Variants in MTLN observed in about 807,000 individuals in gnomAD.
MTLN encodes TP53-inhibiting lncRNA.
chr2:110,211,957 C>A (rs945609482), intron 1 of MTLN, among the ~76,000 whole-genome samples: 1 of 152,118 alleles, frequency 6.6e-6, no homozygotes, highest in African/African-American at 2.4e-5. Flanking sequence ...TTCTTTTGTT[C>A]TTTCCAGTAT....
In MTLN at chr2:110,212,400, C is replaced by A. The variant is rs114774217; in HGVS notation, c.126G>T (p.Leu42=). The change falls in exon 1 of 2, where the codon CTG becomes CTT. Residue 42 remains leucine, a synonymous_variant. Coordinates refer to ENST00000611969, the MANE Select transcript of MTLN (RefSeq NM_001384134.1). ...TCTGCGTCGCCGCCAGCTTGTCCTGCAGCCTCCTTTTCCTCCAGTCCAAGT... is the reference window on the plus strand; with the variant it reads ...TCTGCGTCGCCGCCAGCTTGTCCTGAAGCCTCCTTTTCCTCCAGTCCAAGT... ...RRYLDWRKRR[L]QDKLAATQKK... The A allele has an allele frequency of 4.8e-3, 1,936 of 399,608 alleles. 35 individuals carry two copies. The highest frequency in any genetic ancestry group is 0.036 in the African/African-American group (1,778 of 48,744). 24.8% of individuals were successfully genotyped at this position (399,608 alleles called of 1,614,324 possible). A position where few individuals can be genotyped will look rare whatever the true frequency, so the allele number is the denominator to read the frequency against.
rs1686121529 is a variant in MTLN at position 110,212,497 on chromosome 2, T to TGCAGTGTC, written c.21_28dup (p.Gln10ArgfsTer8). On this transcript the variant is annotated frameshift_variant, in exon 1 of 2. Transcript: ENST00000611969. LOFTEE classifies it high-confidence loss of function. ...AGCGAAGGCTACTAGCACGGACAACTGCAGTGTCCTCTCTGACACATCCGC... is the reference window on the plus strand; with the variant it reads ...AGCGAAGGCTACTAGCACGGACAACTGCAGTGTCGCAGTGTCCTCTCTGACACATCCGC... 1 of 398,732 alleles carries TGCAGTGTC rather than the reference T, an allele frequency of 2.5e-6. No individual in the cohort carries two copies. Among genetic ancestry groups the TGCAGTGTC allele is most frequent in the African/African-American group, 2.1e-5 (1 of 48,600 alleles). The allele number at this position is 398,732 out of a possible 1,614,324, so 24.7% of individuals were successfully genotyped here.
At chr2:110,212,070 G>T in intron 1 of MTLN, 145 bp downstream of exon 1, 1 of 314,042 alleles carries the variant, frequency 3.2e-6, no homozygotes. Context: ...ATACCGAAGA[G>T]CAAGTTATCA....
chr2:110,212,136 G>A (rs1411957106), intron 1 of MTLN, 79 bp downstream of exon 1: 1 of 382,228 alleles, frequency 2.6e-6, no homozygotes, highest in Non-Finnish European at 4.6e-6. Context: ...TGTCTTCTGC[G>A]ACCTAGCCAG....
Position 110,212,371 on chromosome 2 carries a change from T to G in MTLN, c.155A>C (p.Lys52Thr), listed in dbSNP as rs1385292916. The change falls in exon 1 of 2, where the codon AAG becomes ACG. Residue 52 changes from lysine (K) to threonine (T), a missense_variant. By Grantham distance (78) the Lys-to-Thr change is moderately conservative. Transcript: ENST00000611969. ...CGCAGAGTCTCAGGCCAGGTCCAGC[T>G]TCTTCTGCGTCGCCGCCAGCTTGTC... is the stretch of plus-strand genomic sequence containing the variant. ...LQDKLAATQK[K>T]LDLA 5 of 398,342 alleles carry G rather than the reference T, an allele frequency of 1.3e-5. No homozygotes were observed. The highest frequency in any genetic ancestry group is 2.2e-5 in the Non-Finnish European group (5 of 226,162). The allele number at this position is 398,342 out of a possible 1,614,324, so 24.7% of individuals were successfully genotyped here. A position where few individuals can be genotyped will look rare whatever the true frequency, so the allele number is the denominator to read the frequency against.
rs561846053 is a variant in MTLN, at chr2:110,212,458, A to G, written c.68T>C (p.Leu23Pro). Residue 23 changes from leucine to proline, a missense_variant, in exon 1 of 2, where the codon CTG (leucine) becomes CCG (proline). Coordinates refer to ENST00000611969, the MANE Select transcript of MTLN (RefSeq NM_001384134.1). ...CCGCAGTCGGTTCGCCTGCCAGCCC[A>G]GGAGTACTCCAGAAGCGAAGGCTAC... ...VLVAFASGVL[L>P]GWQANRLRRR... 5.0e-6 allele frequency: 2 copies of G among 399,122 alleles called. No individual in the cohort carries two copies. The highest frequency in any genetic ancestry group is 2.5e-4 in the South Asian group (2 of 7,860). The allele number at this position is 399,122 out of a possible 1,614,324, so 24.7% of individuals were successfully genotyped here. A position where few individuals can be genotyped will look rare whatever the true frequency, so the allele number is the denominator to read the frequency against.
chr2:110,212,161 T>C, intron 1 of MTLN, 54 bp downstream of exon 1: 1 of 391,358 alleles, frequency 2.6e-6, no homozygotes, highest in Non-Finnish European at 4.5e-6. Flanking sequence ...GATCCTAAGA[T>C]ATCCGCCCGA....
rs1686101243 is a variant in MTLN at position 110,211,537 on chromosome 2, ATTT to A, written c.*223_*225del. 2 of 152,292 alleles carry A rather than the reference ATTT, an allele frequency of 1.3e-5. No individual in the cohort carries two copies. Among genetic ancestry groups the A allele is most frequent in the Admixed American group, 1.3e-4 (2 of 15,310 alleles). The allele number at this position is 152,292 out of a possible 1,614,324, so 9.4% of individuals were successfully genotyped here. A position where few individuals can be genotyped will look rare whatever the true frequency, so the allele number is the denominator to read the frequency against. Reference sequence around the variant, plus strand: ...AAAATAAAAGGGTCAAAGATGTTTAATTTTTTTATTTTAAAAATAAAATTGATT... The same window carrying A: ...AAAATAAAAGGGTCAAAGATGTTTAATTTTATTTTAAAAATAAAATTGATT... On this transcript the variant is annotated 3_prime_UTR_variant, in exon 2 of 2. Transcript: ENST00000611969.
chr2:110,212,300 CG>C lies in MTLN; in HGVS notation c.*54del. 2.9e-6 allele frequency: 1 copy of C among 340,156 alleles called. No homozygotes were observed. Among genetic ancestry groups the C allele is most frequent in the Non-Finnish European group, 4.8e-6 (1 of 207,032 alleles). 21.1% of individuals were successfully genotyped at this position (340,156 alleles called of 1,614,324 possible). On this transcript the variant is annotated 3_prime_UTR_variant, in exon 1 of 2. Transcript: ENST00000611969. ...GCGCCGGCGGACCGGGGCTCCGGCG[CG>C]GACATGGCAAGGTGGCCATGAGGGG...
In MTLN at chr2:110,212,418, G is replaced by A. The variant is rs548024103; in HGVS notation, c.108C>T (p.Asp36=). Residue 36 remains aspartate (D), a synonymous_variant, in exon 1 of 2, where the codon GAC becomes GAT. Coordinates refer to ENST00000611969, the MANE Select transcript of MTLN (RefSeq NM_001384134.1). ...QANRLRRRYL[D]WRKRRLQDKL... is the part of the protein sequence containing the mutation. ...TGTCCTGCAGCCTCCTTTTCCTCCAGTCCAAGTAGCGCCTCCGCAGTCGGT... is the reference window on the plus strand; with the variant it reads ...TGTCCTGCAGCCTCCTTTTCCTCCAATCCAAGTAGCGCCTCCGCAGTCGGT... The A allele has an allele frequency of 5.0e-6, 2 of 399,600 alleles. No individual in the cohort carries two copies. Among genetic ancestry groups the A allele is most frequent in the South Asian group, 2.5e-4 (2 of 7,858 alleles). 24.8% of individuals were successfully genotyped at this position (399,600 alleles called of 1,614,324 possible). A position where few individuals can be genotyped will look rare whatever the true frequency, so the allele number is the denominator to read the frequency against.
In MTLN at chr2:110,212,547, C is replaced by T. The variant is rs1396837599; in HGVS notation, c.-22G>A. The T allele has an allele frequency of 1.0e-5, 4 of 398,810 alleles. No individual in the cohort carries two copies. The highest frequency in any genetic ancestry group is 7.1e-5 in the East Asian group (2 of 28,074). The allele number at this position is 398,810 out of a possible 1,614,324, so 24.7% of individuals were successfully genotyped here. On this transcript the variant is annotated 5_prime_UTR_variant, in exon 1 of 2. Coordinates refer to ENST00000611969, the MANE Select transcript of MTLN (RefSeq NM_001384134.1). ...CCATGGCTGCCGCCGGCGTGCAGCG[C>T]GGTCTACGGCGCGGCGGCGGGGTCA...
At chr2:110,211,870 G>A (rs1200131037) in intron 1 of MTLN, among the ~76,000 whole-genome samples, 2 of 152,282 alleles carry the variant, frequency 1.3e-5, no homozygotes, top group Non-Finnish European at 2.9e-5. Context: ...GTTTACAATC[G>A]CCAAGGCGAA....
In MTLN at chr2:110,212,202, G is replaced by C. The variant is rs1445375437; in HGVS notation, c.*140+13C>G. 2.5e-6 allele frequency: 1 copy of C among 396,846 alleles called. No homozygotes were observed. The highest frequency in any genetic ancestry group is 2.1e-5 in the African/African-American group (1 of 48,580). 24.6% of individuals were successfully genotyped at this position (396,846 alleles called of 1,614,324 possible). A position where few individuals can be genotyped will look rare whatever the true frequency, so the allele number is the denominator to read the frequency against. On this transcript the variant is annotated intron_variant, in intron 1 of 1. Coordinates refer to ENST00000611969, the MANE Select transcript of MTLN (RefSeq NM_001384134.1). The stretch of plus-strand genomic sequence containing the variant: ...AAGTCTCCCTTTGCAATGTCACTAT[G>C]TGTACTGCTCACCAACACTCCAGGA...
intron 1 of MTLN, 24 bp downstream of exon 1, chr2:110,212,190 CA>C (rs1559119034): frequency 2.5e-6 from 1 of 396,186 alleles, no homozygotes; most frequent in Non-Finnish European, 4.4e-6. Context: ...TCTCCCTTTG[CA>C]ATGTCACTAT....
At chr2:110,211,868 T>A (rs1469486546) in intron 1 of MTLN, among the ~76,000 whole-genome samples, 1 of 152,206 alleles carries the variant, frequency 6.6e-6, no homozygotes. Flanking sequence ...GAGTTTACAA[T>A]CGCCAAGGCG....
Position 110,212,520 on chromosome 2 carries a change from C to T in MTLN, c.6G>A (p.Ala2=). The stretch of plus-strand genomic sequence containing the variant: ...ACTGCAGTGTCCTCTCTGACACATC[C>T]GCCATGGCTGCCGCCGGCGTGCAGC... M[A]DVSERTLQLS... is the part of the protein sequence containing the mutation. Residue 2 remains alanine, a synonymous_variant, in exon 1 of 2, where the codon GCG becomes GCA. Coordinates refer to ENST00000611969, the MANE Select transcript of MTLN (RefSeq NM_001384134.1). The T allele has an allele frequency of 2.5e-6, 1 of 398,918 alleles. No individual in the cohort carries two copies. The allele number at this position is 398,918 out of a possible 1,614,324, so 24.7% of individuals were successfully genotyped here.
intron 1 of MTLN, 22 bp downstream of exon 1, chr2:110,212,193 T>C (rs906637974): frequency 1.3e-5 from 5 of 396,456 alleles, no homozygotes; most frequent in Admixed American, 4.4e-5. Context: ...CCCTTTGCAA[T>C]GTCACTATGT....
chr2:110,212,061 T>C (rs1686111125), intron 1 of MTLN, among the ~76,000 whole-genome samples, 154 bp downstream of exon 1: 1 of 152,176 alleles, frequency 6.6e-6, no homozygotes, highest in African/African-American at 2.4e-5. Context: ...CAAACCAAGA[T>C]ACCGAAGAGC....
rs1686101620 is a variant in MTLN, at chr2:110,211,549, T to A, written c.*214A>T. 1 of 152,184 alleles carries A rather than the reference T, an allele frequency of 6.6e-6. No homozygotes were observed. Among genetic ancestry groups the A allele is most frequent in the Non-Finnish European group, 1.5e-5 (1 of 68,026 alleles). The allele number at this position is 152,184 out of a possible 1,614,324, so 9.4% of individuals were successfully genotyped here. Reference sequence around the variant, plus strand: ...TCAAAGATGTTTAATTTTTTTATTTTAAAAATAAAATTGATTCATAAAGTG... The same window carrying A: ...TCAAAGATGTTTAATTTTTTTATTTAAAAAATAAAATTGATTCATAAAGTG... On this transcript the variant is annotated 3_prime_UTR_variant, in exon 2 of 2. Coordinates refer to ENST00000611969, the MANE Select transcript of MTLN (RefSeq NM_001384134.1).
Sources: allele counts gnomAD v4.1 joint callset (sites outside exome capture counted in the v4.1 genomes callset), GRCh38; gene constraint gnomAD v4.1.1; transcripts MANE v1.5; gene names NCBI Gene and HGNC (gene_info 2026-07-23, HGNC 2026-07-21).